The following GET4 variants were observed in gnomAD, a reference collection of about 807,000 sequenced individuals.
GET4 encodes the protein guided entry of tail-anchored proteins factor 4.
Under a neutral mutation model 40.0 loss-of-function variants are expected in GET4, and 20 were observed. The observed-to-expected ratio is 0.50, with a 90% CI of 0.35 to 0.73. GET4 has a LOEUF of 0.73. Ranked by LOEUF, GET4 falls within the 30% of genes least tolerant of loss-of-function variation. GET4 has a pLI of 0.01. For missense variants in GET4, 557 were observed against 454.0 expected, an observed-to-expected ratio of 1.23 and a Z score of -2.06; for synonymous variants, 280 against 194.6, an observed-to-expected ratio of 1.44 and a Z score of -3.65.
chr7:878,225 TG>T, intron 1 of GET4: 1 of 470,272 alleles, frequency 2.1e-6, no homozygotes, highest in Non-Finnish European at 4.4e-6. Flanking sequence ...TGTGACCGCT[TG>T]GAAGTTCCAG....
chr7:889,609 G>A (rs998917024), intron 4 of GET4, among the ~76,000 whole-genome samples: 5 of 152,176 alleles, frequency 3.3e-5, no homozygotes, highest in South Asian at 4.1e-4. Context: ...CCACGAGAAG[G>A]GCTGGGCTCC....
intron 1 of GET4, chr7:884,249 C>T (rs748762020): frequency 3.1e-6 from 4 of 1,304,110 alleles, no homozygotes; most frequent in South Asian, 2.5e-5. Context: ...TGAGGCCAGG[C>T]GTGTCTGGGA....
At chr7:888,153 G>T (rs1251459593) in intron 4 of GET4, among the ~76,000 whole-genome samples, 2 of 152,180 alleles carry the variant, frequency 1.3e-5, no homozygotes, top group East Asian at 3.9e-4. Flanking sequence ...GTCTGCATGT[G>T]CCTGGGCTTG....
chr7:895,410 C>CCCCGTTGGTGGACGTGG lies in GET4; in HGVS notation c.972_973insCCCGTTGGTGGACGTGG (p.Glu325ProfsTer89). On this transcript the variant is annotated frameshift_variant, in exon 9 of 9. Transcript: ENST00000265857. LOFTEE classifies it high-confidence loss of function. ...AGAGCCCCAGCGACGGCAGCCCCAT[C>CCCCGTTGGTGGACGTGG]GAGCTGGACTGAACTGGCCAGGCCA... 6.4e-7 allele frequency: 1 copy of CCCCGTTGGTGGACGTGG among 1,573,040 alleles called. No homozygotes were observed.
chr7:883,697 A>C (rs1421566843), intron 1 of GET4: 16 of 985,798 alleles, frequency 1.6e-5, no homozygotes, highest in Non-Finnish European at 1.9e-5. Flanking sequence ...AGGCCCGGCC[A>C]TGCCCAGCTG....
intron 4 of GET4, among the ~76,000 whole-genome samples, chr7:888,871 C>G (rs1410231556): frequency 1.3e-5 from 2 of 152,248 alleles, no homozygotes; most frequent in African/African-American, 4.8e-5. Flanking sequence ...GCAGGAGCTG[C>G]CCCCACCCCC....
intron 1 of GET4, chr7:877,968 C>A: frequency 4.8e-6 from 1 of 206,332 alleles, no homozygotes. Flanking sequence ...TCCCTGCCTC[C>A]CTCCTCCTGG....
intron 1 of GET4, among the ~76,000 whole-genome samples, 178 bp downstream of exon 1, chr7:876,978 C>A (rs559792951): frequency 1.1e-4 from 16 of 151,792 alleles, no homozygotes; most frequent in African/African-American, 3.9e-4. Context: ...GGGGTCTGGC[C>A]CTGTGTGGCC....
intron 1 of GET4, chr7:884,428 G>A (rs1844147569): frequency 1.7e-6 from 2 of 1,181,858 alleles, no homozygotes; most frequent in Non-Finnish European, 2.2e-6. Context: ...ACTGTGCGGG[G>A]AGCACAGCAA....
At chr7:887,896 C>A (rs578091609) in intron 4 of GET4, among the ~76,000 whole-genome samples, 1 of 152,196 alleles carries the variant, frequency 6.6e-6, no homozygotes, top group East Asian at 1.9e-4. Flanking sequence ...TCTGATGAAG[C>A]CTTTGCGGGG....
At chr7:892,892 G>C (rs960486287) in intron 6 of GET4, among the ~76,000 whole-genome samples, 1 of 151,580 alleles carries the variant, frequency 6.6e-6, no homozygotes, top group Non-Finnish European at 1.5e-5. Context: ...GTGTAGACGT[G>C]TGGGTAGCTG....
At position 886,503 on chromosome 7, in the gene GET4, T is replaced by C. The variant is rs111376246; in HGVS notation, c.235-66T>C. On this transcript the variant is annotated intron_variant, in intron 2 of 8. Transcript: ENST00000265857. ...CTGGCTTCTGCTGGAAACCCAGCCTTGTCTTTGCTGTCCTGAACAGGTCAG... is the reference window on the plus strand; with the variant it reads ...CTGGCTTCTGCTGGAAACCCAGCCTCGTCTTTGCTGTCCTGAACAGGTCAG... 804 of 1,207,686 alleles carry C rather than the reference T, an allele frequency of 6.7e-4. 5 individuals are homozygous for C. The African/African-American group carries it at 9.7e-3, about 15-fold the overall frequency. The allele number at this position is 1,207,686 out of a possible 1,614,324, so 74.8% of individuals were successfully genotyped here.
Position 887,473 on chromosome 7 carries a change from G to A in GET4, c.420G>A (p.Leu140=). The part of the protein sequence containing the change: ...LKWSSGGSGK[L]GHPRLHQLLA... ...GGTCCAGTGGGGGCTCCGGGAAGCT[G>A]GGCCACCCCCGGCTGCACCAGCTGC... is the stretch of plus-strand genomic sequence containing the variant. Residue 140 remains leucine (L), a synonymous_variant, in exon 4 of 9, where the codon CTG becomes CTA. Transcript: ENST00000265857. 1 of 1,588,428 alleles carries A rather than the reference G, an allele frequency of 6.3e-7. No individual in the cohort carries two copies.
Position 876,750 on chromosome 7 carries a change from G to T in GET4, c.105G>T (p.Glu35Asp). The change falls in exon 1 of 9, where the codon GAG becomes GAT. Residue 35 changes from glutamate (E) to aspartate (D), a missense_variant. Physicochemically the swap from Glu to Asp is conservative, Grantham distance 45. Coordinates refer to ENST00000265857, the MANE Select transcript of GET4 (RefSeq NM_015949.3). ...AGGGCAAGCTGCGCGCCAGCGTCGA[G>T]AAGGGCGACTACTACGAGGCGCACC... The part of the protein sequence containing the change: ...RVEGKLRASV[E>D]KGDYYEAHQM... 7.3e-7 allele frequency: 1 copy of T among 1,372,848 alleles called. No individual in the cohort carries two copies. Among genetic ancestry groups the T allele is most frequent in the Non-Finnish European group, 9.5e-7 (1 of 1,049,050 alleles). 85.0% of individuals were successfully genotyped at this position (1,372,848 alleles called of 1,614,324 possible). A position where few individuals can be genotyped will look rare whatever the true frequency, so the allele number is the denominator to read the frequency against.
At position 892,351 on chromosome 7, in the gene GET4, G is replaced by A. The variant is rs918725876; in HGVS notation, c.679G>A (p.Glu227Lys). 6.3e-6 allele frequency: 10 copies of A among 1,595,558 alleles called. No homozygotes were observed. Among genetic ancestry groups the A allele is most frequent in the East Asian group, 2.3e-5 (1 of 44,260 alleles). ...TTYTQKHPSI[E>K]DGPPFVEPLL... ...GTACACCCAGAAGCACCCGTCCATCGAGGACGGGCCTCCGTTTGTGGAGCC... is the reference window on the plus strand; with the variant it reads ...GTACACCCAGAAGCACCCGTCCATCAAGGACGGGCCTCCGTTTGTGGAGCC... The change falls in exon 6 of 9, where the codon GAG becomes AAG. Residue 227 changes from glutamate (E) to lysine (K), a missense_variant. By Grantham distance (56) the Glu-to-Lys change is moderately conservative. Coordinates refer to ENST00000265857, the MANE Select transcript of GET4 (RefSeq NM_015949.3).
chr7:881,707 C>G (rs1881114), intron 1 of GET4: 61,091 of 152,016 alleles, frequency 0.4, 12,537 homozygotes, highest in East Asian at 0.49. Flanking sequence ...AGCCTCAGGT[C>G]TGTGTGCAGG....
At chr7:885,729 C>G (rs943177797) in intron 1 of GET4, 8 of 295,834 alleles carry the variant, frequency 2.7e-5, no homozygotes, top group African/African-American at 4.4e-5. Flanking sequence ...CCTGCTCCTT[C>G]CCTGCGCACC....
Position 892,586 on chromosome 7 carries a change from G to T in GET4, c.746+168G>T, listed in dbSNP as rs1844352445. ...CTGGGTGTAGACGTGGCATAGGTGT[G>T]TGTGCAGGTCTGTTGGGTGTAGACA... On this transcript the variant is annotated intron_variant, in intron 6 of 8. Coordinates refer to ENST00000265857, the MANE Select transcript of GET4 (RefSeq NM_015949.3). 8 of 629,748 alleles carry T rather than the reference G, an allele frequency of 1.3e-5. No individual in the cohort carries two copies. The East Asian group carries it at 2.2e-4, about 18-fold the overall frequency. The allele number at this position is 629,748 out of a possible 1,614,324, so 39.0% of individuals were successfully genotyped here.
chr7:877,636 A>G (rs1585485665), intron 1 of GET4, among the ~76,000 whole-genome samples: 1 of 89,030 alleles, frequency 1.1e-5, no homozygotes, highest in East Asian at 3.2e-4. Context: ...AGTCTCCCCA[A>G]CTCCGCTTCC....
Sources: allele counts gnomAD v4.1 joint callset (sites outside exome capture counted in the v4.1 genomes callset), GRCh38; gene constraint gnomAD v4.1.1; transcripts MANE v1.5; gene names NCBI Gene and HGNC (gene_info 2026-07-23, HGNC 2026-07-21).